OSBPL1A: variants seen among roughly 807,000 people sequenced by gnomAD.
The protein encoded by OSBPL1A is oxysterol binding protein like 1A.
Under a neutral mutation model 137.1 loss-of-function variants are expected in OSBPL1A, and 80 were observed. That is an observed-to-expected ratio of 0.58 (90% CI 0.49 to 0.70). The LOEUF (loss-of-function observed/expected upper bound fraction) is 0.70, where lower values mean the gene tolerates loss of function less well. OSBPL1A is among the 30% of genes least tolerant of loss of function. OSBPL1A has a pLI of 0.00. For synonymous variants in OSBPL1A, 365 were observed against 389.7 expected (o/e 0.94, Z 0.75); for missense variants, 970 against 1,129.4 (o/e 0.86, Z 2.02).
chr18:24,191,070 G>T (rs916371446), intron 18 of OSBPL1A, among the ~76,000 whole-genome samples: 2 of 152,168 alleles, frequency 1.3e-5, no homozygotes, highest in Non-Finnish European at 2.9e-5. Flanking sequence ...GTATTGCAAG[G>T]TACAACTGAG....
At position 24,202,661 on chromosome 18, in the gene OSBPL1A, T is replaced by C. The variant is rs74762262; in HGVS notation, c.1602-6461A>G. ...CAGCTATCATTCAGTATTTTCCCAA[T>C]GAACAAAATAAAAACAATTCATTAT... On this transcript the variant is annotated intron_variant, in intron 17 of 27. Coordinates refer to ENST00000319481, the MANE Select transcript of OSBPL1A (RefSeq NM_080597.4). 7.2e-3 allele frequency among the ~76,000 whole-genome samples: 1,099 copies of C among 152,312 alleles called. 13 individuals are homozygous for C. The highest frequency in any genetic ancestry group is 0.025 in the African/African-American group (1,049 of 41,550).
At chr18:24,383,324 C>A (rs1906738942) in intron 1 of OSBPL1A, among the ~76,000 whole-genome samples, 1 of 151,938 alleles carries the variant, frequency 6.6e-6, no homozygotes, top group Non-Finnish European at 1.5e-5. Flanking sequence ...AAGAATGAAT[C>A]AAAAAATGTT....
At chr18:24,291,388 A>G (rs935084988) in intron 14 of OSBPL1A, among the ~76,000 whole-genome samples, 2 of 152,178 alleles carry the variant, frequency 1.3e-5, no homozygotes, top group Non-Finnish European at 2.9e-5. Flanking sequence ...GTAGAAAGTC[A>G]AAAGATTAAG....
chr18:24,246,008 A>G (rs557568476), intron 15 of OSBPL1A, among the ~76,000 whole-genome samples: 117 of 151,966 alleles, frequency 7.7e-4, no homozygotes, highest in African/African-American at 2.7e-3. Flanking sequence ...TCAGGAGTTC[A>G]AGACCAGCCT....
chr18:24,293,125 A>AAAAAAAAAAAAAAAAAAAG lies in OSBPL1A; in HGVS notation c.1174+10511_1174+10512insCTTTTTTTTTTTTTTTTTT, dbSNP rs200624581. ...GTCTCAAAAAAAAAAAAAAAAAAAA[A>AAAAAAAAAAAAAAAAAAAG]AAAGAAAAGAAAAGAAAAAATTAAA... On this transcript the variant is annotated intron_variant, in intron 14 of 27. Transcript: ENST00000319481. 2.2e-3 allele frequency among the ~76,000 whole-genome samples: 179 copies of AAAAAAAAAAAAAAAAAAAG among 81,892 alleles called. 1 individual carries two copies. The highest frequency in any genetic ancestry group is 3.7e-3 in the Non-Finnish European group (128 of 34,888). 53.7% of individuals were successfully genotyped at this position (81,892 alleles called of 152,430 possible).
intron 13 of OSBPL1A, among the ~76,000 whole-genome samples, chr18:24,309,550 C>G (rs2090574520): frequency 6.6e-6 from 1 of 152,158 alleles, no homozygotes; most frequent in African/African-American, 2.4e-5. Flanking sequence ...CCTAGAATGA[C>G]TAATTCCCCT....
Position 24,164,420 on chromosome 18 carries a change from G to GGTTTTTTTTTTTTTTTTTTTTTT in OSBPL1A, c.2750+644_2750+645insAAAAAAAAAAAAAAAAAAAAAAC, listed in dbSNP as rs199563115. Among the ~76,000 whole-genome samples, 7 of 95,970 alleles carry GGTTTTTTTTTTTTTTTTTTTTTT rather than the reference G, an allele frequency of 7.3e-5. 2 individuals are homozygous for GGTTTTTTTTTTTTTTTTTTTTTT. The highest frequency in any genetic ancestry group is 1.9e-5 in the Non-Finnish European group (1 of 52,490). 63.0% of individuals were successfully genotyped at this position (95,970 alleles called of 152,430 possible). A position where few individuals can be genotyped will look rare whatever the true frequency, so the allele number is the denominator to read the frequency against. On this transcript the variant is annotated intron_variant, in intron 27 of 27. Coordinates refer to ENST00000319481, the MANE Select transcript of OSBPL1A (RefSeq NM_080597.4). Reference sequence around the variant, plus strand: ...ATGGAAAACAGTATGGAGATTTTTGGTTTTTTTTTTTTTTTTTTTTTTTTT... The same window carrying GGTTTTTTTTTTTTTTTTTTTTTT: ...ATGGAAAACAGTATGGAGATTTTTGGGTTTTTTTTTTTTTTTTTTTTTTTTTTTTTTTTTTTTTTTTTTTTTTT...
Position 24,272,303 on chromosome 18 carries a change from CA to C in OSBPL1A, c.1281+8538del. 3.1e-6 allele frequency: 3 copies of C among 977,490 alleles called. No individual in the cohort carries two copies. The South Asian group carries it at 1.4e-4, about 46-fold the overall frequency. 60.6% of individuals were successfully genotyped at this position (977,490 alleles called of 1,614,324 possible). The stretch of plus-strand genomic sequence containing the variant: ...CCGCCCCTTGGGAAACTCTGGAAAG[CA>C]AAGGAATCTTCTCTCCAGTCCTGCC... On this transcript the variant is annotated intron_variant, in intron 15 of 27. Transcript: ENST00000319481.
chr18:24,355,840 C>A (rs2091524226), intron 4 of OSBPL1A, among the ~76,000 whole-genome samples: 1 of 152,010 alleles, frequency 6.6e-6, no homozygotes, highest in Admixed American at 6.6e-5. Flanking sequence ...CAAATCTTAG[C>A]CAGGCATGGT....
At chr18:24,302,421 CTATT>C (rs1568012111) in intron 14 of OSBPL1A, 2 of 151,560 alleles carry the variant, frequency 1.3e-5, no homozygotes, top group Non-Finnish European at 2.9e-5. Context: ...GATTTGTAGG[CTATT>C]TATTTTTCTT....
At chr18:24,252,256 C>T (rs1032258737) in intron 15 of OSBPL1A, among the ~76,000 whole-genome samples, 8 of 152,056 alleles carry the variant, frequency 5.3e-5, no homozygotes, top group Non-Finnish European at 8.8e-5. Flanking sequence ...CCAAAGAAGA[C>T]GACCTCATGG....
chr18:24,341,738 TACAG>T, intron 4 of OSBPL1A, 80 bp from the exon 5 acceptor site: 3 of 847,128 alleles, frequency 3.5e-6, no homozygotes, highest in Admixed American at 5.0e-5. Flanking sequence ...TACTAACTAC[TACAG>T]AGTCTCCACA....
chr18:24,163,050 G>T lies in OSBPL1A; in HGVS notation c.*129C>A. 1 of 633,844 alleles carries T rather than the reference G, an allele frequency of 1.6e-6. No homozygotes were observed. The allele number at this position is 633,844 out of a possible 1,614,324, so 39.3% of individuals were successfully genotyped here. The stretch of plus-strand genomic sequence containing the variant: ...ATACCCTGCTTTTGTTGGGTGAAAT[G>T]CAGTTATCTCATGAGTGTTTTTTCA... On this transcript the variant is annotated 3_prime_UTR_variant, in exon 28 of 28. Coordinates refer to ENST00000319481, the MANE Select transcript of OSBPL1A (RefSeq NM_080597.4).
chr18:24,213,365 C>T (rs930730813), intron 17 of OSBPL1A, among the ~76,000 whole-genome samples: 3 of 152,086 alleles, frequency 2.0e-5, no homozygotes, highest in East Asian at 1.9e-4. Flanking sequence ...CTCAGGAGTT[C>T]GAGACCAGCC....
Position 24,271,587 on chromosome 18 carries a change from C to A in OSBPL1A, c.1281+9255G>T. On this transcript the variant is annotated intron_variant, in intron 15 of 27. Transcript: ENST00000319481. This position sits in a 1 kb window ranked among gnomAD's most constrained non-coding sequence, Gnocchi z 4.0. ...CGTCCTCCGTGGCCCCAGGCTGCCC[C>A]GCAAAGCCACCGAGCTGCAAATACA... The A allele has an allele frequency of 2.0e-6, 2 of 987,064 alleles. No individual in the cohort carries two copies. Among genetic ancestry groups the A allele is most frequent in the Non-Finnish European group, 2.4e-6 (2 of 831,296 alleles). The allele number at this position is 987,064 out of a possible 1,614,324, so 61.1% of individuals were successfully genotyped here.
intron 4 of OSBPL1A, chr18:24,358,280 G>T: frequency 1.7e-6 from 1 of 581,018 alleles, no homozygotes. Flanking sequence ...GACTGTCCCA[G>T]TGTATAAAGG....
At chr18:24,234,452 G>T (rs1016346070) in intron 16 of OSBPL1A, among the ~76,000 whole-genome samples, 1 of 152,184 alleles carries the variant, frequency 6.6e-6, no homozygotes, top group Admixed American at 6.5e-5. Flanking sequence ...AAAAAAATCT[G>T]TGTGCTTTAT....
chr18:24,389,993 C>T (rs931262097), intron 1 of OSBPL1A, among the ~76,000 whole-genome samples: 9 of 151,908 alleles, frequency 5.9e-5, no homozygotes, highest in African/African-American at 2.2e-4. Flanking sequence ...ATAAAAATTC[C>T]TACAGAAATC....
In OSBPL1A at chr18:24,344,809, TTTTTTG is replaced by T. The variant is rs148793566; in HGVS notation, c.283-3157_283-3152del. 5.3e-3 allele frequency among the ~76,000 whole-genome samples: 800 copies of T among 151,976 alleles called. 6 individuals carry two copies. Among genetic ancestry groups the T allele is most frequent in the African/African-American group, 0.019 (768 of 41,458 alleles). ...TCAAAAGAAAAGAGAATGTGGGGGA[TTTTTTG>T]TTTTTGTTTTCTTGGGGGGAGACGG... On this transcript the variant is annotated intron_variant, in intron 4 of 27. Transcript: ENST00000319481.
Sources: gnomAD v4.1 joint callset for allele counts (sites outside exome capture counted in the v4.1 genomes callset) on GRCh38, gnomAD v4.1.1 for gene constraint, Gnocchi (gnomAD v3.1) non-coding constraint, MANE v1.5 for transcripts, NCBI Gene and HGNC (gene_info 2026-07-23, HGNC 2026-07-21) for gene names.